DCAF6: variants seen among roughly 807,000 people sequenced by gnomAD.
DCAF6 encodes DDB1- and CUL4-associated factor 6.
Under a neutral mutation model 125.1 loss-of-function variants are expected in DCAF6, and 54 were observed. That is an observed-to-expected ratio of 0.43 (90% CI 0.35 to 0.54). The LOEUF (loss-of-function observed/expected upper bound fraction) is 0.54. Ranked by LOEUF, DCAF6 falls within the 20% of genes least tolerant of loss-of-function variation. The pLI is 0.01. For synonymous variants in DCAF6, 371 were observed against 390.4 expected (o/e 0.95, Z 0.58); for missense variants, 934 against 1,161.7 (o/e 0.80, Z 2.85).
chr1:168,022,019 T>C (rs1209975610), intron 11 of DCAF6, among the ~76,000 whole-genome samples: 1 of 152,164 alleles, frequency 6.6e-6, no homozygotes, highest in African/African-American at 2.4e-5. Context: ...TCTCTTTTAC[T>C]GTAGCCCTAC....
At chr1:168,070,089 A>G (rs1692838352) in intron 21 of DCAF6, among the ~76,000 whole-genome samples, 1 of 152,144 alleles carries the variant, frequency 6.6e-6, no homozygotes, top group Non-Finnish European at 1.5e-5. Context: ...ATGGTTGGTT[A>G]GTTAATAGCC....
At chr1:168,052,972 T>C (rs1690141955) in intron 17 of DCAF6, among the ~76,000 whole-genome samples, 1 of 152,224 alleles carries the variant, frequency 6.6e-6, no homozygotes. Flanking sequence ...TCATGCTGTC[T>C]ACATTGCCAT....
At chr1:167,870,135 T>A in the DCAF6 span, 1 of 1,103,240 alleles carries the variant, frequency 9.1e-7, no homozygotes. Flanking sequence ...ACAAGGGTCA[T>A]GGCATCCAAT....
intron 2 of DCAF6, among the ~76,000 whole-genome samples, chr1:167,962,659 C>G (rs1003748643): frequency 4.6e-5 from 7 of 152,054 alleles, no homozygotes; most frequent in Admixed American, 6.5e-5. Context: ...CTGACAGTCT[C>G]TGTCTTAATT....
chr1:167,960,225 T>C (rs1251897190), intron 2 of DCAF6, among the ~76,000 whole-genome samples: 1 of 152,088 alleles, frequency 6.6e-6, no homozygotes, highest in Non-Finnish European at 1.5e-5. Context: ...AGTTATCTGT[T>C]TGTCTGCTCT....
intron 16 of DCAF6, among the ~76,000 whole-genome samples, chr1:168,050,344 G>A (rs775057489): frequency 6.6e-6 from 1 of 152,114 alleles, no homozygotes; most frequent in Non-Finnish European, 1.5e-5. Context: ...TTGTAACCAT[G>A]ATTTCCTTAT....
chr1:167,908,458 A>G, the DCAF6 span, among the ~76,000 whole-genome samples: 1 of 152,190 alleles, frequency 6.6e-6, no homozygotes. Flanking sequence ...ATTAGACCCA[A>G]TGAAAAAGTC....
intron 8 of DCAF6, among the ~76,000 whole-genome samples, chr1:168,003,312 G>C (rs1474293819): frequency 2.0e-5 from 3 of 152,094 alleles, no homozygotes; most frequent in Non-Finnish European, 4.4e-5. Flanking sequence ...GGAAAAACTT[G>C]TTTACTTGCA....
chr1:168,061,180 C>T (rs1691545649), intron 17 of DCAF6, among the ~76,000 whole-genome samples: 2 of 152,164 alleles, frequency 1.3e-5, no homozygotes, highest in Admixed American at 1.3e-4. Context: ...ATAGAGTGAA[C>T]TAAACATGTC....
At chr1:168,020,210 T>C (rs985555344) in intron 11 of DCAF6, among the ~76,000 whole-genome samples, 1 of 152,226 alleles carries the variant, frequency 6.6e-6, no homozygotes, top group African/African-American at 2.4e-5. Context: ...CATTATGTAG[T>C]AGATATTGTG....
chr1:167,975,462 T>A (rs1489764105), intron 4 of DCAF6, among the ~76,000 whole-genome samples: 1 of 152,214 alleles, frequency 6.6e-6, no homozygotes, highest in Non-Finnish European at 1.5e-5. Flanking sequence ...ATTAATGAGC[T>A]TAAGACCTGA....
intron 1 of DCAF6, among the ~76,000 whole-genome samples, chr1:167,938,631 G>A (rs1226129078): frequency 6.6e-6 from 1 of 152,024 alleles, no homozygotes; most frequent in Non-Finnish European, 1.5e-5. Flanking sequence ...ATTTATTTGC[G>A]GAGAAAGAAC....
At chr1:167,936,533 C>G (rs765449501), upstream of DCAF6, 1 of 255,518 alleles carries the variant, frequency 3.9e-6, no homozygotes, top group African/African-American at 2.4e-5. Context: ...CAGCACACAC[C>G]AGCCTCAGTC....
rs185167673 is a variant in DCAF6 at position 168,043,012 on chromosome 1, G to A, written c.1728-13G>A. On this transcript the variant is annotated splice_polypyrimidine_tract_variant and intron_variant, in intron 13 of 21. Transcript: ENST00000367840. ...ACTTCTTGGTGGAATCACTTATCTT[G>A]TTTTGATGATAGGAGCAGTATAGCA... 123 of 1,569,330 alleles carry A rather than the reference G, an allele frequency of 7.8e-5. 1 individual carries two copies. In the South Asian group the frequency reaches 1.3e-3, roughly 17 times the overall value.
At chr1:167,946,453 C>A (rs1467722090) in intron 1 of DCAF6, among the ~76,000 whole-genome samples, 1 of 152,078 alleles carries the variant, frequency 6.6e-6, no homozygotes, top group Non-Finnish European at 1.5e-5. Flanking sequence ...TCTTCCAGTT[C>A]TTAAAGGAAT....
intron 2 of DCAF6, among the ~76,000 whole-genome samples, chr1:167,965,344 G>A (rs1305859117): frequency 2.6e-5 from 4 of 152,140 alleles, no homozygotes; most frequent in Non-Finnish European, 4.4e-5. Flanking sequence ...TCCCCAATGC[G>A]GAAGGCTGGA....
At chr1:167,911,242 A>C in the DCAF6 span, among the ~76,000 whole-genome samples, 4 of 152,202 alleles carry the variant, frequency 2.6e-5, no homozygotes, top group African/African-American at 9.7e-5. Context: ...CTCTTCAAAG[A>C]CTTTCCTCCC....
rs1331825238 is a variant in DCAF6, at chr1:168,063,607, T to C, written c.2301-14T>C. The C allele has an allele frequency of 6.7e-7, 1 of 1,484,148 alleles. No homozygotes were observed. Among genetic ancestry groups the C allele is most frequent in the Non-Finnish European group, 8.9e-7 (1 of 1,123,142 alleles). 91.9% of individuals were successfully genotyped at this position (1,484,148 alleles called of 1,614,324 possible). A position where few individuals can be genotyped will look rare whatever the true frequency, so the allele number is the denominator to read the frequency against. Reference sequence around the variant, plus strand: ...TTTATTTATTTTTGTTTTTTTAATATGTAATTCATATAGACGCTCTGCTGT... The same window carrying C: ...TTTATTTATTTTTGTTTTTTTAATACGTAATTCATATAGACGCTCTGCTGT... On this transcript the variant is annotated splice_polypyrimidine_tract_variant and intron_variant, in intron 17 of 21. Transcript: ENST00000367840.
intron 13 of DCAF6, among the ~76,000 whole-genome samples, chr1:168,039,976 G>A (rs1476526432): frequency 6.6e-6 from 1 of 151,788 alleles, no homozygotes; most frequent in Non-Finnish European, 1.5e-5. Flanking sequence ...TAAAACCCCT[G>A]CCTTATTGGA....
Sources: allele counts gnomAD v4.1 joint callset (sites outside exome capture counted in the v4.1 genomes callset), GRCh38; gene constraint gnomAD v4.1.1; transcripts MANE v1.5; gene names NCBI Gene and HGNC (gene_info 2026-07-23, HGNC 2026-07-21).